Variants in PCDH15 observed in about 807,000 individuals in gnomAD.
PCDH15 encodes the protein protocadherin related 15.
PCDH15 carries 129 observed loss-of-function variants against 178.5 expected under a neutral mutation model. The ratio of observed to expected loss-of-function variants is 0.72; its 90% CI spans 0.63 to 0.84. The LOEUF (loss-of-function observed/expected upper bound fraction) is 0.84, where lower values mean the gene tolerates loss of function less well. Among genes scored for constraint, PCDH15 ranks in the 40% least tolerant of loss-of-function variants. The pLI, the probability that PCDH15 is intolerant of heterozygous loss-of-function variation, is 0.00. For missense variants in PCDH15, 2,230 were observed against 2,099.9 expected (o/e 1.06, Z -1.21); for synonymous variants, 800 against 732.0 (o/e 1.09, Z -1.50).
chr10:55,112,252 C>A (rs1591912121), intron 2 of PCDH15, among the ~76,000 whole-genome samples: 1 of 152,042 alleles, frequency 6.6e-6, no homozygotes, highest in East Asian at 1.9e-4. Context: ...GGGTGGAGCC[C>A]TCATAAATTG....
At chr10:54,801,976 T>C (rs1475270527), upstream of PCDH15, among the ~76,000 whole-genome samples, 1 of 152,218 alleles carries the variant, frequency 6.6e-6, no homozygotes, top group Admixed American at 6.5e-5. Context: ...GCATAGTACA[T>C]ATTTCAATTC....
intron 8 of PCDH15, among the ~76,000 whole-genome samples, chr10:54,313,982 G>A (rs752819302): frequency 6.6e-5 from 10 of 152,076 alleles, no homozygotes; most frequent in Non-Finnish European, 1.3e-4. Context: ...CTGACTCATT[G>A]AATTGGATTA....
intron 27 of PCDH15, among the ~76,000 whole-genome samples, chr10:53,862,593 T>A (rs180746938): frequency 6.6e-6 from 1 of 152,192 alleles, no homozygotes; most frequent in African/African-American, 2.4e-5. Context: ...TAATTTGTGC[T>A]TCAAAGCTTC....
At chr10:55,592,505 A>G (rs1455756855) in intron 2 of PCDH15, among the ~76,000 whole-genome samples, 4 of 152,132 alleles carry the variant, frequency 2.6e-5, no homozygotes, top group Non-Finnish European at 4.4e-5. Context: ...CCTCTCCCCT[A>G]TAGGACTAGG....
At chr10:55,589,310 G>A (rs1438844110) in intron 2 of PCDH15, among the ~76,000 whole-genome samples, 1 of 151,974 alleles carries the variant, frequency 6.6e-6, no homozygotes, top group Non-Finnish European at 1.5e-5. Flanking sequence ...TATTAAATAG[G>A]GAATCCTTTC....
intron 2 of PCDH15, among the ~76,000 whole-genome samples, chr10:55,621,547 C>T (rs751102519): frequency 2.0e-5 from 3 of 152,128 alleles, no homozygotes; most frequent in Non-Finnish European, 4.4e-5. Flanking sequence ...GAACTCAGAG[C>T]GGCATTAGAT....
chr10:54,467,601 G>GTTTTTTTT (rs67776985), intron 3 of PCDH15, among the ~76,000 whole-genome samples: 8 of 45,686 alleles, frequency 1.8e-4, no homozygotes, highest in Admixed American at 3.2e-4. Context: ...TCAAGCTGTA[G>GTTTTTTTT]TTTTTTTTTT....
intron 8 of PCDH15, among the ~76,000 whole-genome samples, chr10:54,248,944 T>C (rs1263624153): frequency 6.6e-6 from 1 of 152,006 alleles, no homozygotes; most frequent in Admixed American, 6.6e-5. Flanking sequence ...AGGAGTTTAA[T>C]TTTCATAAAC....
chr10:55,578,362 C>T (rs191271069), intron 2 of PCDH15, among the ~76,000 whole-genome samples: 1 of 152,106 alleles, frequency 6.6e-6, no homozygotes, highest in Non-Finnish European at 1.5e-5. Context: ...GGATTACAGG[C>T]GCCTGCCACC....
intron 2 of PCDH15, among the ~76,000 whole-genome samples, chr10:54,993,781 G>T (rs963526735): frequency 5.3e-5 from 8 of 152,090 alleles, no homozygotes; most frequent in African/African-American, 1.4e-4. Flanking sequence ...ACAGAAATGA[G>T]AAAATCTACA....
chr10:55,035,198 G>A (rs2131970585), intron 2 of PCDH15, among the ~76,000 whole-genome samples: 1 of 151,528 alleles, frequency 6.6e-6, no homozygotes, highest in African/African-American at 2.4e-5. Context: ...TCAAAATGAA[G>A]AGTAAACATT....
chr10:54,409,257 C>T (rs1288446897), intron 3 of PCDH15, among the ~76,000 whole-genome samples: 1 of 152,080 alleles, frequency 6.6e-6, no homozygotes, highest in Non-Finnish European at 1.5e-5. Context: ...GTGAAAATGG[C>T]CAAATATACT....
intron 2 of PCDH15, among the ~76,000 whole-genome samples, chr10:55,095,284 C>T (rs947018664): frequency 2.7e-4 from 41 of 151,750 alleles, no homozygotes; most frequent in African/African-American, 9.9e-4. Flanking sequence ...ATTATGATGT[C>T]ACCTTAATAA....
chr10:54,000,198 C>G (rs2092060763), intron 20 of PCDH15, among the ~76,000 whole-genome samples: 1 of 152,136 alleles, frequency 6.6e-6, no homozygotes, highest in Non-Finnish European at 1.5e-5. Context: ...ACCTGAAAAG[C>G]TTTCCAAATA....
At chr10:55,478,907 A>T (rs184211957) in intron 2 of PCDH15, among the ~76,000 whole-genome samples, 1 of 148,696 alleles carries the variant, frequency 6.7e-6, no homozygotes, top group East Asian at 2.0e-4. Flanking sequence ...TCTTAGACAC[A>T]TGTAATCTAC....
chr10:54,779,481 TATATATGTATATATATAC>T (rs1950102346), intron 1 of PCDH15, among the ~76,000 whole-genome samples: 1 of 74,246 alleles, frequency 1.3e-5, no homozygotes, highest in African/African-American at 5.5e-5. Flanking sequence ...TATACACACA[TATATATGTATATATATAC>T]ACACATATAT....
At chr10:53,875,169 C>T (rs2080136198) in intron 26 of PCDH15, among the ~76,000 whole-genome samples, 1 of 151,858 alleles carries the variant, frequency 6.6e-6, no homozygotes, top group Non-Finnish European at 1.5e-5. Flanking sequence ...GATTGTTATC[C>T]ACAGATATTA....
chr10:55,484,472 A>C (rs1422986673), intron 2 of PCDH15, among the ~76,000 whole-genome samples: 1 of 151,698 alleles, frequency 6.6e-6, no homozygotes, highest in Non-Finnish European at 1.5e-5. Context: ...TCATACTACC[A>C]AAAGAAATAT....
At chr10:54,620,513 G>T (rs2093321528) in intron 2 of PCDH15, among the ~76,000 whole-genome samples, 1 of 151,974 alleles carries the variant, frequency 6.6e-6, no homozygotes, top group African/African-American at 2.4e-5. Context: ...TTTACTGAAG[G>T]TCAAGGATAC....
Sources: gnomAD v4.1 joint callset for allele counts (sites outside exome capture counted in the v4.1 genomes callset) on GRCh38, gnomAD v4.1.1 for gene constraint, MANE v1.5 for transcripts, NCBI Gene and HGNC (gene_info 2026-07-23, HGNC 2026-07-21) for gene names.